NRXN1: variants seen among roughly 807,000 people sequenced by gnomAD.
The protein encoded by NRXN1 is neurexin 1, also known as neurexin-1.
NRXN1 carries 39 observed loss-of-function variants against 150.9 expected under a neutral mutation model. That is an observed-to-expected ratio of 0.26 (90% CI 0.20 to 0.34). NRXN1 has a LOEUF of 0.34. NRXN1 is among the 10% of genes least tolerant of loss of function. The pLI, the probability that NRXN1 is intolerant of heterozygous loss-of-function variation, is 1.00. For missense variants in NRXN1, 1,815 were observed against 1,949.9 expected (o/e 0.93, Z 1.30); for synonymous variants, 924 against 757.0 (o/e 1.22, Z -3.62).
chr2:49,935,044 A>T lies in NRXN1; in HGVS notation c.4216+8660T>A, dbSNP rs534517089. ...TTCTTGTTTGGGGATATTTCCATTT[A>T]TGATATGGTTTACTATTTAGTTAGT... On this transcript the variant is annotated intron_variant, in intron 22 of 22. Coordinates refer to ENST00000401669, the MANE Select transcript of NRXN1 (RefSeq NM_001330078.2). 3.2e-4 allele frequency among the ~76,000 whole-genome samples: 49 copies of T among 152,316 alleles called. 1 individual carries two copies. In the Middle Eastern group the frequency reaches 0.01, roughly 32 times the overall value.
intron 8 of NRXN1, among the ~76,000 whole-genome samples, chr2:50,586,465 T>C (rs1376710868): frequency 1.3e-5 from 2 of 152,190 alleles, no homozygotes; most frequent in Non-Finnish European, 2.9e-5. Context: ...TTCCCTTTTG[T>C]TCCCTATTGT....
chr2:50,949,706 T>C (rs1690988692), intron 2 of NRXN1, among the ~76,000 whole-genome samples: 1 of 152,086 alleles, frequency 6.6e-6, no homozygotes, highest in African/African-American at 2.4e-5. Context: ...AAGTATCTTC[T>C]GACTTCTTGG....
At chr2:50,235,477 G>T (rs1047985527) in intron 18 of NRXN1, among the ~76,000 whole-genome samples, 2 of 152,050 alleles carry the variant, frequency 1.3e-5, no homozygotes, top group Non-Finnish European at 2.9e-5. Context: ...TTCAGCCCTT[G>T]TGGTCAGTGT....
intron 17 of NRXN1, among the ~76,000 whole-genome samples, chr2:50,279,758 A>G (rs2152931203): frequency 6.6e-6 from 1 of 152,342 alleles, no homozygotes. Context: ...AAATGCCAAG[A>G]ATCATTTTCA....
chr2:50,492,407 C>A (rs1241871561), intron 15 of NRXN1, among the ~76,000 whole-genome samples: 4 of 152,078 alleles, frequency 2.6e-5, no homozygotes, highest in Non-Finnish European at 5.9e-5. Flanking sequence ...AGATTCCTAC[C>A]CATTTCTGAT....
chr2:50,938,084 T>C (rs1232740004), intron 2 of NRXN1, among the ~76,000 whole-genome samples: 3 of 152,136 alleles, frequency 2.0e-5, no homozygotes, highest in African/African-American at 7.2e-5. Context: ...TTTTTTTTAA[T>C]GGTACACCTG....
intron 5 of NRXN1, among the ~76,000 whole-genome samples, chr2:50,642,950 T>A (rs1684279442): frequency 6.6e-6 from 1 of 152,044 alleles, no homozygotes; most frequent in Non-Finnish European, 1.5e-5. Context: ...AGTTATATTC[T>A]ATTTAACTGT....
At chr2:50,435,466 A>C (rs2104407341) in intron 17 of NRXN1, among the ~76,000 whole-genome samples, 1 of 152,328 alleles carries the variant, frequency 6.6e-6, no homozygotes, top group South Asian at 2.1e-4. Context: ...TTAAAAATGT[A>C]AAGAAACTTA....
chr2:50,428,515 C>T (rs2084684778), intron 17 of NRXN1, among the ~76,000 whole-genome samples: 1 of 152,182 alleles, frequency 6.6e-6, no homozygotes, highest in South Asian at 2.1e-4. Flanking sequence ...TTTGTAAATA[C>T]ATTTAAATTG....
chr2:50,817,205 G>T (rs1207143174), intron 5 of NRXN1, among the ~76,000 whole-genome samples: 1 of 151,986 alleles, frequency 6.6e-6, no homozygotes, highest in African/African-American at 2.4e-5. Flanking sequence ...GTGACTTTGA[G>T]GGGATTAAAA....
intron 17 of NRXN1, among the ~76,000 whole-genome samples, chr2:50,302,199 T>G (rs1279331784): frequency 6.6e-6 from 1 of 152,140 alleles, no homozygotes; most frequent in African/African-American, 2.4e-5. Flanking sequence ...TCTTTGAGAT[T>G]TTTTTCTTCT....
At chr2:50,056,496 T>C (rs1304506254) in intron 19 of NRXN1, among the ~76,000 whole-genome samples, 3 of 152,118 alleles carry the variant, frequency 2.0e-5, no homozygotes, top group Non-Finnish European at 4.4e-5. Flanking sequence ...TATGTATTTC[T>C]CTGTATTCTG....
intron 21 of NRXN1, among the ~76,000 whole-genome samples, chr2:50,018,928 GA>G (rs1398554861): frequency 6.6e-6 from 1 of 152,052 alleles, no homozygotes; most frequent in East Asian, 1.9e-4. Flanking sequence ...GGGATGAAGA[GA>G]AAAAATAATC....
chr2:50,982,198 G>C (rs1268677255), intron 2 of NRXN1, among the ~76,000 whole-genome samples: 5 of 152,078 alleles, frequency 3.3e-5, no homozygotes, highest in Non-Finnish European at 1.5e-5. Flanking sequence ...GTTCGGTCAT[G>C]TTTCCTAAAA....
At chr2:50,983,944 A>G (rs941904671) in intron 2 of NRXN1, among the ~76,000 whole-genome samples, 1 of 151,682 alleles carries the variant, frequency 6.6e-6, no homozygotes, top group Admixed American at 6.6e-5. Flanking sequence ...AAACATTCAA[A>G]GCATTTTTTT....
At chr2:50,784,567 C>G (rs1704823614) in intron 5 of NRXN1, among the ~76,000 whole-genome samples, 1 of 151,942 alleles carries the variant, frequency 6.6e-6, no homozygotes. Flanking sequence ...TAAGGCTCGA[C>G]AGATATTATG....
In NRXN1 at chr2:49,938,159, C is replaced by A. The variant is rs564332739; in HGVS notation, c.4216+5545G>T. On this transcript the variant is annotated intron_variant, in intron 22 of 22. Coordinates refer to ENST00000401669, the MANE Select transcript of NRXN1 (RefSeq NM_001330078.2). ...GGTGCCTGAATTTTAGAGGAAAAAC[C>A]TTCTGTGTTCCAAGAAACTATAAGC... is the stretch of plus-strand genomic sequence containing the variant. 3.3e-5 allele frequency among the ~76,000 whole-genome samples: 5 copies of A among 152,220 alleles called. No individual in the cohort carries two copies. In the East Asian group the frequency reaches 9.7e-4, roughly 29 times the overall value.
intron 15 of NRXN1, among the ~76,000 whole-genome samples, chr2:50,494,888 G>A (rs944368543): frequency 3.7e-4 from 56 of 152,036 alleles, no homozygotes; most frequent in African/African-American, 1.3e-3. Context: ...AAAATTAGCC[G>A]GGCGTGGTGG....
intron 2 of NRXN1, among the ~76,000 whole-genome samples, chr2:50,926,469 T>G (rs1288982736): frequency 6.6e-6 from 1 of 151,972 alleles, no homozygotes; most frequent in East Asian, 1.9e-4. Context: ...CCTCAATTGC[T>G]TTCCTTAAAG....
Sources: allele counts gnomAD v4.1 joint callset (sites outside exome capture counted in the v4.1 genomes callset), GRCh38; gene constraint gnomAD v4.1.1; transcripts MANE v1.5; gene names NCBI Gene and HGNC (gene_info 2026-07-23, HGNC 2026-07-21).